Variants in AGAP1 observed in about 807,000 individuals in gnomAD.
AGAP1 encodes the protein arf-GAP with GTPase, ANK repeat and PH domain-containing protein 1.
AGAP1 carries 29 observed loss-of-function variants against 105.3 expected under a neutral mutation model. The observed-to-expected ratio is 0.28, with a 90% CI of 0.21 to 0.38. The LOEUF is 0.38. AGAP1 is among the 10% of genes least tolerant of loss of function. AGAP1 has a pLI of 1.00. For synonymous variants in AGAP1, 509 were observed against 485.9 expected, an observed-to-expected ratio of 1.05 and a Z score of -0.63; for missense variants, 998 against 1,165.1, an observed-to-expected ratio of 0.86 and a Z score of 2.09.
intron 1 of AGAP1, among the ~76,000 whole-genome samples, chr2:235,653,922 G>A (rs1429376402): frequency 6.6e-6 from 1 of 152,188 alleles, no homozygotes; most frequent in Non-Finnish European, 1.5e-5. Flanking sequence ...CGGGAGTGGT[G>A]GCAGGCGCCT....
intron 8 of AGAP1, among the ~76,000 whole-genome samples, chr2:235,805,386 G>A (rs762473726): frequency 1.4e-4 from 21 of 151,980 alleles, no homozygotes; most frequent in Non-Finnish European, 1.8e-4. Context: ...TTGGCTGGGG[G>A]GACAGATGAG....
intron 1 of AGAP1, among the ~76,000 whole-genome samples, chr2:235,511,113 G>C (rs1166072623): frequency 6.6e-6 from 1 of 152,142 alleles, no homozygotes; most frequent in African/African-American, 2.4e-5. Flanking sequence ...TTACTGGCAC[G>C]TGGCAGGTGG....
chr2:236,006,764 T>C (rs1192793178), intron 13 of AGAP1, among the ~76,000 whole-genome samples: 2 of 152,180 alleles, frequency 1.3e-5, no homozygotes, highest in Non-Finnish European at 2.9e-5. Context: ...ATATGAACTT[T>C]AAAGGAAAAA....
intron 6 of AGAP1, among the ~76,000 whole-genome samples, chr2:235,778,837 A>T (rs1162427587): frequency 6.6e-6 from 1 of 152,126 alleles, no homozygotes; most frequent in Admixed American, 6.5e-5. Context: ...CATATTAGGG[A>T]TGCCAGCCCG....
intron 3 of AGAP1, among the ~76,000 whole-genome samples, chr2:235,718,191 T>G (rs1188817529): frequency 2.0e-5 from 3 of 152,202 alleles, no homozygotes; most frequent in African/African-American, 7.2e-5. Context: ...CCATATTTTA[T>G]TTTTTGCCTT....
In AGAP1 at chr2:236,114,516, G is replaced by T. The variant is rs996043332; in HGVS notation, c.2115-5676G>T. On this transcript the variant is annotated intron_variant, in intron 16 of 17. Transcript: ENST00000304032. The surrounding 1 kb of genome is among the most constrained non-coding windows in gnomAD (Gnocchi z 5.0). Reference sequence around the variant, plus strand: ...GGTGGCTTAAGTGCGGGACATTCACGTCTCACAGTTCTGGAGGCTGGAAGT... The same window carrying T: ...GGTGGCTTAAGTGCGGGACATTCACTTCTCACAGTTCTGGAGGCTGGAAGT... Among the ~76,000 whole-genome samples, 1 of 152,190 alleles carries T rather than the reference G, an allele frequency of 6.6e-6. No homozygotes were observed. The highest frequency in any genetic ancestry group is 1.5e-5 in the Non-Finnish European group (1 of 68,036).
In AGAP1 at chr2:236,090,190, A is replaced by G. The variant is rs918099376; in HGVS notation, c.2115-30002A>G. ...TGGGCTCCAGCTGCACAGGCTGGGG[A>G]TGGGCTGGGTAGAAATGGCAGTTTT... On this transcript the variant is annotated intron_variant, in intron 16 of 17. Transcript: ENST00000304032. This position sits in a 1 kb window ranked among gnomAD's most constrained non-coding sequence, Gnocchi z 4.3. Among the ~76,000 whole-genome samples the G allele has an allele frequency of 6.6e-6, 1 of 152,092 alleles. No individual in the cohort carries two copies. The highest frequency in any genetic ancestry group is 1.5e-5 in the Non-Finnish European group (1 of 68,028).
Position 235,976,792 on chromosome 2 carries a change from T to C in AGAP1, c.1645+8169T>C, listed in dbSNP as rs1256993288. The stretch of plus-strand genomic sequence containing the variant: ...CTCAGGGAGGTTCCCCAAAGGGGAG[T>C]AGACACTCACACACGTTGTATAGAC... On this transcript the variant is annotated intron_variant, in intron 13 of 17. Coordinates refer to ENST00000304032, the MANE Select transcript of AGAP1 (RefSeq NM_001037131.3). This position sits in a 1 kb window ranked among gnomAD's most constrained non-coding sequence, Gnocchi z 4.5. Among the ~76,000 whole-genome samples, 1 of 151,854 alleles carries C rather than the reference T, an allele frequency of 6.6e-6. No individual in the cohort carries two copies. The highest frequency in any genetic ancestry group is 2.4e-5 in the African/African-American group (1 of 41,330).
intron 1 of AGAP1, among the ~76,000 whole-genome samples, chr2:235,540,292 A>G (rs1943393309): frequency 6.6e-6 from 1 of 151,868 alleles, no homozygotes; most frequent in African/African-American, 2.4e-5. Context: ...CTGGGATTAC[A>G]GGCACACGCC....
intron 8 of AGAP1, among the ~76,000 whole-genome samples, chr2:235,800,256 G>A (rs961630747): frequency 9.9e-5 from 15 of 151,338 alleles, no homozygotes; most frequent in African/African-American, 3.4e-4. Flanking sequence ...TCACCACTAC[G>A]TGTGGCTAAT....
Position 236,000,100 on chromosome 2 carries a change from A to T in AGAP1, c.1645+31477A>T, listed in dbSNP as rs896866633. 6.6e-6 allele frequency among the ~76,000 whole-genome samples: 1 copy of T among 152,148 alleles called. No homozygotes were observed. Among genetic ancestry groups the T allele is most frequent in the Non-Finnish European group, 1.5e-5 (1 of 68,030 alleles). ...TTGTTAGTAGCCATAACCGTGCAGC[A>T]TCCATCGGGAGGACACACACCCCTG... On this transcript the variant is annotated intron_variant, in intron 13 of 17. Transcript: ENST00000304032. The surrounding 1 kb of genome is among the most constrained non-coding windows in gnomAD (Gnocchi z 4.3).
intron 9 of AGAP1, among the ~76,000 whole-genome samples, chr2:235,854,072 T>C (rs535037083): frequency 6.6e-6 from 1 of 152,266 alleles, no homozygotes; most frequent in East Asian, 1.9e-4. Flanking sequence ...TGACCCCGCC[T>C]TATATGACTG....
chr2:235,710,003 C>G (rs771781229), intron 2 of AGAP1, among the ~76,000 whole-genome samples: 2 of 152,070 alleles, frequency 1.3e-5, no homozygotes, highest in African/African-American at 4.8e-5. Flanking sequence ...ATGTAGGTAT[C>G]TATGTATGTA....
chr2:235,809,066 A>G (rs115023231), intron 9 of AGAP1, among the ~76,000 whole-genome samples: 3,364 of 152,206 alleles, frequency 0.022, 133 homozygotes, highest in African/African-American at 0.077. Context: ...AAACTTAATA[A>G]TAGACTGTTT....
In AGAP1 at chr2:235,750,557, C is replaced by T; in HGVS notation, c.673+69C>T. On this transcript the variant is annotated intron_variant, in intron 6 of 17. Transcript: ENST00000304032. The surrounding 1 kb of genome is among the most constrained non-coding windows in gnomAD (Gnocchi z 5.3). ...CGGGAGGCACTTCAAGAAGTCAGTC[C>T]TGCCTGCACTTGTGCATGTGGGTGG... is the stretch of plus-strand genomic sequence containing the variant. The T allele has an allele frequency of 3.7e-6, 6 of 1,601,508 alleles. 1 individual carries two copies. The highest frequency in any genetic ancestry group is 2.2e-5 in the South Asian group (2 of 90,524).
At chr2:235,940,470 C>T (rs1343129947) in intron 12 of AGAP1, among the ~76,000 whole-genome samples, 1 of 152,192 alleles carries the variant, frequency 6.6e-6, no homozygotes, top group Non-Finnish European at 1.5e-5. Context: ...TTTTGACCGC[C>T]TCTCCATGGC....
At chr2:235,918,876 T>G (rs1325365784) in intron 11 of AGAP1, among the ~76,000 whole-genome samples, 3 of 152,280 alleles carry the variant, frequency 2.0e-5, no homozygotes, top group East Asian at 3.9e-4. Context: ...GAACTCTAAG[T>G]GGAGTGTTCT....
At position 235,992,915 on chromosome 2, in the gene AGAP1, C is replaced by T. The variant is rs1445478858; in HGVS notation, c.1645+24292C>T. Among the ~76,000 whole-genome samples, 2 of 152,158 alleles carry T rather than the reference C, an allele frequency of 1.3e-5. No homozygotes were observed. The highest frequency in any genetic ancestry group is 2.9e-5 in the Non-Finnish European group (2 of 68,026). On this transcript the variant is annotated intron_variant, in intron 13 of 17. Coordinates refer to ENST00000304032, the MANE Select transcript of AGAP1 (RefSeq NM_001037131.3). This position sits in a 1 kb window ranked among gnomAD's most constrained non-coding sequence, Gnocchi z 4.8. ...ACCATGGACGTCTCTCCTTGACCTCCTCCCTACCTGGGAGAACCTGGCTGG... is the reference window on the plus strand; with the variant it reads ...ACCATGGACGTCTCTCCTTGACCTCTTCCCTACCTGGGAGAACCTGGCTGG...
intron 1 of AGAP1, among the ~76,000 whole-genome samples, chr2:235,573,045 CTTCTTCTTCTTCTTCTTTCTTCTTT>C (rs1213235466): frequency 1.1e-4 from 2 of 17,870 alleles, no homozygotes; most frequent in Non-Finnish European, 1.7e-4. Context: ...TCTTCTTCTT[CTTCTTCTTCTTCTTCTTTCTTCTTT>C]CTTCTTTCTT....
Sources: allele counts gnomAD v4.1 joint callset (sites outside exome capture counted in the v4.1 genomes callset), GRCh38; gene constraint gnomAD v4.1.1; non-coding constraint Gnocchi (gnomAD v3.1); transcripts MANE v1.5; gene names NCBI Gene and HGNC (gene_info 2026-07-23, HGNC 2026-07-21).